The following PDE4D variants were observed in gnomAD, a reference collection of about 807,000 sequenced individuals.
PDE4D encodes the protein phosphodiesterase 4D.
In PDE4D, 24 loss-of-function variants were observed where a neutral mutation model predicts 87.4. That is an observed-to-expected ratio of 0.27 (90% CI 0.20 to 0.39). The LOEUF is 0.39. Ranked by LOEUF, PDE4D falls within the 10% of genes least tolerant of loss-of-function variation. The pLI, the probability that PDE4D is intolerant of heterozygous loss-of-function variation, is 1.00. For synonymous variants in PDE4D, 384 were observed against 383.2 expected, an observed-to-expected ratio of 1.00 and a Z score of -0.02; for missense variants, 714 against 1,041.0, an observed-to-expected ratio of 0.69 and a Z score of 4.32.
chr5:59,251,758 A>G (rs959890549), intron 1 of PDE4D, among the ~76,000 whole-genome samples: 5 of 152,188 alleles, frequency 3.3e-5, no homozygotes, highest in African/African-American at 1.2e-4. Flanking sequence ...TAACAATAGT[A>G]ACGACATGGA....
intron 1 of PDE4D, among the ~76,000 whole-genome samples, chr5:59,777,896 T>A (rs765375289): frequency 1.1e-4 from 16 of 152,212 alleles, no homozygotes; most frequent in Non-Finnish European, 2.2e-4. Context: ...AAATCCACAC[T>A]TTTTAGATGA....
intron 2 of PDE4D, among the ~76,000 whole-genome samples, chr5:60,077,786 A>G (rs1179406474): frequency 6.6e-6 from 1 of 152,130 alleles, no homozygotes; most frequent in African/African-American, 2.4e-5. Flanking sequence ...CTCTCTGCCA[A>G]TTCAAATGTC....
chr5:59,075,294 G>C (rs1034360344), intron 5 of PDE4D, among the ~76,000 whole-genome samples: 2 of 152,018 alleles, frequency 1.3e-5, no homozygotes, highest in African/African-American at 4.8e-5. Context: ...TTATTTCTTT[G>C]AAAAACTCAT....
At position 60,335,567 on chromosome 5, in the gene PDE4D, C is replaced by G. The variant is rs150593004; in HGVS notation, c.-89-149880G>C. Among the ~76,000 whole-genome samples the G allele has an allele frequency of 2.1e-3, 322 of 152,196 alleles. 3 individuals are homozygous for G. Among genetic ancestry groups the G allele is most frequent in the African/African-American group, 7.3e-3 (305 of 41,536 alleles). On this transcript the variant is annotated intron_variant, in intron 1 of 16. Coordinates refer to the PDE4D transcript ENST00000502484. Reference sequence around the variant, plus strand: ...TTGTAAGCCCTTTTTAGTAAATGCTCTAAGAAAGGGTGGTTGGGCCTAGCT... The same window carrying G: ...TTGTAAGCCCTTTTTAGTAAATGCTGTAAGAAAGGGTGGTTGGGCCTAGCT...
At chr5:59,551,813 A>T (rs188589638) in intron 1 of PDE4D, among the ~76,000 whole-genome samples, 3 of 152,322 alleles carry the variant, frequency 2.0e-5, no homozygotes, top group Admixed American at 2.0e-4. Flanking sequence ...ATTAGTTAAG[A>T]CATTTTTGTT....
intron 2 of PDE4D, among the ~76,000 whole-genome samples, chr5:60,126,499 G>A (rs931915889): frequency 6.6e-6 from 1 of 151,786 alleles, no homozygotes; most frequent in Non-Finnish European, 1.5e-5. Context: ...AAATGAAATG[G>A]GAATAAATTA....
intron 1 of PDE4D, among the ~76,000 whole-genome samples, chr5:59,291,951 C>A (rs915570640): frequency 3.3e-5 from 5 of 151,710 alleles, no homozygotes; most frequent in Non-Finnish European, 7.4e-5. Flanking sequence ...TCTCTGTGTT[C>A]TTAAAGACAG....
chr5:59,089,343 T>C (rs1161463441), intron 5 of PDE4D, among the ~76,000 whole-genome samples: 1 of 152,222 alleles, frequency 6.6e-6, no homozygotes, highest in East Asian at 1.9e-4. Flanking sequence ...GTTGACATTA[T>C]ATGTTAGTTT....
chr5:59,956,069 A>G (rs1263089840), intron 3 of PDE4D, among the ~76,000 whole-genome samples: 1 of 152,204 alleles, frequency 6.6e-6, no homozygotes, highest in Non-Finnish European at 1.5e-5. Context: ...TGGAAAGGCA[A>G]TTGATCGGAT....
At chr5:59,782,776 G>C (rs908037406) in intron 1 of PDE4D, among the ~76,000 whole-genome samples, 3 of 152,160 alleles carry the variant, frequency 2.0e-5, no homozygotes, top group Non-Finnish European at 4.4e-5. Flanking sequence ...AAGCAATTTT[G>C]CTATAACAAC....
chr5:59,146,552 G>T (rs929361658), intron 5 of PDE4D, among the ~76,000 whole-genome samples: 1 of 151,248 alleles, frequency 6.6e-6, no homozygotes, highest in East Asian at 1.9e-4. Context: ...GTTTCATCAA[G>T]AAATGGAAGT....
intron 5 of PDE4D, among the ~76,000 whole-genome samples, chr5:59,153,398 T>G (rs1212378714): frequency 1.3e-5 from 2 of 152,186 alleles, no homozygotes; most frequent in Non-Finnish European, 2.9e-5. Context: ...ATGGTATCGC[T>G]TCTCACATTT....
intron 1 of PDE4D, among the ~76,000 whole-genome samples, chr5:60,498,193 C>G (rs920403948): frequency 6.6e-6 from 1 of 151,874 alleles, no homozygotes; most frequent in Non-Finnish European, 1.5e-5. Context: ...CACACACACA[C>G]ACACAATTTT....
chr5:60,318,971 G>T (rs530118425), intron 1 of PDE4D, among the ~76,000 whole-genome samples: 7 of 152,260 alleles, frequency 4.6e-5, no homozygotes, highest in African/African-American at 1.7e-4. Context: ...TCTTGGAGTT[G>T]CACTTCTTGA....
chr5:59,317,631 C>T (rs1773992534), intron 1 of PDE4D, among the ~76,000 whole-genome samples: 1 of 152,096 alleles, frequency 6.6e-6, no homozygotes, highest in Non-Finnish European at 1.5e-5. Flanking sequence ...ACAGCTCTTT[C>T]CCTCGCGTAA....
intron 1 of PDE4D, chr5:59,430,431 G>A: frequency 8.1e-7 from 1 of 1,230,936 alleles, no homozygotes; most frequent in Non-Finnish European, 1.0e-6. Context: ...TATCCAAAAG[G>A]CAAGAAGTAA....
intron 1 of PDE4D, among the ~76,000 whole-genome samples, chr5:59,238,394 T>C (rs1167519316): frequency 6.6e-6 from 1 of 152,182 alleles, no homozygotes; most frequent in Non-Finnish European, 1.5e-5. Flanking sequence ...AGTAATTAGA[T>C]GAGCATTTGA....
intron 1 of PDE4D, among the ~76,000 whole-genome samples, chr5:59,546,375 G>A (rs1817264899): frequency 6.6e-6 from 1 of 152,046 alleles, no homozygotes; most frequent in South Asian, 2.1e-4. Flanking sequence ...TTATAAAATT[G>A]CTATGGCATT....
chr5:60,187,294 A>C (rs542038225), intron 1 of PDE4D, among the ~76,000 whole-genome samples: 2 of 152,312 alleles, frequency 1.3e-5, no homozygotes, highest in East Asian at 1.9e-4. Flanking sequence ...TCACCTTTAC[A>C]AATTAGCATC....
Sources: allele counts gnomAD v4.1 joint callset (sites outside exome capture counted in the v4.1 genomes callset), GRCh38; gene constraint gnomAD v4.1.1; transcripts MANE v1.5; gene names NCBI Gene and HGNC (gene_info 2026-07-23, HGNC 2026-07-21).